Variants in CCSER2 observed in about 807,000 individuals in gnomAD.
CCSER2 encodes the protein coiled-coil serine rich protein 2.
A neutral mutation model predicts 92.3 loss-of-function variants in CCSER2; 46 were observed. The ratio of observed to expected loss-of-function variants is 0.50; its 90% confidence interval spans 0.39 to 0.64. The LOEUF (loss-of-function observed/expected upper bound fraction) is 0.64. CCSER2 is among the 30% of genes least tolerant of loss of function. The pLI, the probability that CCSER2 is intolerant of heterozygous loss-of-function variation, is 0.00. For missense variants in CCSER2, 1,244 were observed against 1,238.9 expected, an observed-to-expected ratio of 1.00 and a Z score of -0.06; for synonymous variants, 433 against 431.4, an observed-to-expected ratio of 1.00 and a Z score of -0.04.
chr10:84,348,716 T>C (rs1844690748), intron 1 of CCSER2, among the ~76,000 whole-genome samples: 1 of 150,450 alleles, frequency 6.6e-6, no homozygotes, highest in African/African-American at 2.4e-5. Context: ...AAGAGAAATC[T>C]GGGACTGTCT....
intron 3 of CCSER2, among the ~76,000 whole-genome samples, chr10:84,397,108 A>G (rs1180258634): frequency 6.6e-6 from 1 of 152,220 alleles, no homozygotes; most frequent in East Asian, 1.9e-4. Context: ...GTATTACTAT[A>G]TGAAAGTTGC....
At chr10:84,508,736 G>A (rs1399407075) in intron 9 of CCSER2, among the ~76,000 whole-genome samples, 1 of 152,128 alleles carries the variant, frequency 6.6e-6, no homozygotes, top group Non-Finnish European at 1.5e-5. Context: ...CTATGTATTT[G>A]AAGCCTAGCA....
intron 6 of CCSER2, among the ~76,000 whole-genome samples, chr10:84,443,307 AAAC>A (rs1844691878): frequency 6.6e-6 from 1 of 152,190 alleles, no homozygotes; most frequent in Non-Finnish European, 1.5e-5. Context: ...ACAAGAAAAA[AAAC>A]AACCCCATCA....
chr10:84,349,536 G>A (rs1285147333), intron 1 of CCSER2, among the ~76,000 whole-genome samples: 2 of 151,920 alleles, frequency 1.3e-5, no homozygotes, highest in Admixed American at 6.6e-5. Context: ...TAAAAAGTTA[G>A]CTGGGTGTGG....
chr10:84,431,267 C>T (rs985240092), intron 5 of CCSER2, among the ~76,000 whole-genome samples: 2 of 152,088 alleles, frequency 1.3e-5, no homozygotes, highest in Non-Finnish European at 2.9e-5. Context: ...CTTATTCATC[C>T]CTCCCTTCTT....
chr10:84,471,206 C>T (rs759415535), intron 8 of CCSER2, among the ~76,000 whole-genome samples: 1 of 151,714 alleles, frequency 6.6e-6, no homozygotes, highest in African/African-American at 2.4e-5. Context: ...GGTCAGCTCA[C>T]GGAGATCCAT....
In CCSER2 at chr10:84,515,700, A is replaced by G. The variant is rs1589856528; in HGVS notation, c.*1433A>G. 1 of 152,122 alleles carries G rather than the reference A, an allele frequency of 6.6e-6. No homozygotes were observed. Among genetic ancestry groups the G allele is most frequent in the East Asian group, 1.9e-4 (1 of 5,192 alleles). 9.4% of individuals were successfully genotyped at this position (152,122 alleles called of 1,614,324 possible). On this transcript the variant is annotated 3_prime_UTR_variant, in exon 10 of 10. Transcript: ENST00000372088. The stretch of plus-strand genomic sequence containing the variant: ...CTCAAGTGATCCACCCACCTCGTCT[A>G]TGGTGTATTTTTGAAAGACAATTTT...
intron 4 of CCSER2, among the ~76,000 whole-genome samples, chr10:84,421,794 T>C (rs1381898191): frequency 1.3e-5 from 2 of 152,184 alleles, no homozygotes; most frequent in African/African-American, 4.8e-5. Flanking sequence ...ACGGGATTCT[T>C]CAGAAATGAA....
intron 9 of CCSER2, chr10:84,499,861 C>T (rs1164355541): frequency 1.2e-6 from 2 of 1,612,916 alleles, no homozygotes; most frequent in Non-Finnish European, 8.5e-7. Flanking sequence ...CCTACCCCAT[C>T]TCTCTCTGCA....
At chr10:84,473,137 A>G (rs1407718016) in intron 8 of CCSER2, 1 of 152,198 alleles carries the variant, frequency 6.6e-6, no homozygotes, top group Non-Finnish European at 1.5e-5. Context: ...GAAAGCATTA[A>G]TCTTTATCAG....
intron 1 of CCSER2, among the ~76,000 whole-genome samples, chr10:84,364,391 CACTG>C (rs1284807965): frequency 1.3e-5 from 2 of 152,322 alleles, no homozygotes; most frequent in East Asian, 3.9e-4. Flanking sequence ...TTGCTTGGCT[CACTG>C]ACTGTATTTC....
In CCSER2 at chr10:84,370,955, A is replaced by G. The variant is rs1564605686; in HGVS notation, c.-39-59A>G. ...AAGTGTAAGTATCATATTATGTAAT[A>G]ATTCATGTAATTATCCTTATTTAGG... On this transcript the variant is annotated intron_variant, in intron 1 of 9. Transcript: ENST00000372088. 1.1e-5 allele frequency: 8 copies of G among 751,034 alleles called. No homozygotes were observed. The East Asian group carries it at 2.3e-4, about 21-fold the overall frequency. 46.5% of individuals were successfully genotyped at this position (751,034 alleles called of 1,614,324 possible). A position where few individuals can be genotyped will look rare whatever the true frequency, so the allele number is the denominator to read the frequency against.
chr10:84,384,209 C>G, intron 3 of CCSER2, among the ~76,000 whole-genome samples: 1 of 152,100 alleles, frequency 6.6e-6, no homozygotes, highest in East Asian at 1.9e-4. Flanking sequence ...AGAGAGCTGG[C>G]ATCAATCTTA....
chr10:84,360,721 T>G (rs1402782468), intron 1 of CCSER2, among the ~76,000 whole-genome samples: 1 of 152,166 alleles, frequency 6.6e-6, no homozygotes, highest in Non-Finnish European at 1.5e-5. Flanking sequence ...CCTGGAAACT[T>G]GTTAAAAATA....
chr10:84,346,676 A>G (rs1179950051), intron 1 of CCSER2, among the ~76,000 whole-genome samples: 1 of 151,846 alleles, frequency 6.6e-6, no homozygotes, highest in Non-Finnish European at 1.5e-5. Flanking sequence ...AGATCAGGAC[A>G]TAGTACATTT....
At chr10:84,440,803 G>T (rs1241366730) in intron 6 of CCSER2, among the ~76,000 whole-genome samples, 1 of 152,144 alleles carries the variant, frequency 6.6e-6, no homozygotes, top group Non-Finnish European at 1.5e-5. Context: ...AATAAGTTTG[G>T]TTGGTATGAA....
At chr10:84,458,607 G>T (rs889374015) in intron 6 of CCSER2, among the ~76,000 whole-genome samples, 4 of 152,154 alleles carry the variant, frequency 2.6e-5, no homozygotes, top group Non-Finnish European at 5.9e-5. Context: ...TGAATCTCCA[G>T]TTGAGTTTGG....
intron 9 of CCSER2, chr10:84,507,323 G>C (rs1212767599): frequency 1.0e-6 from 1 of 985,092 alleles, no homozygotes; most frequent in African/African-American, 1.7e-5. Flanking sequence ...TTACTTCTCT[G>C]ACAAAGCGTG....
At chr10:84,495,452 T>G (rs1054211571) in intron 9 of CCSER2, among the ~76,000 whole-genome samples, 1 of 152,226 alleles carries the variant, frequency 6.6e-6, no homozygotes, top group Non-Finnish European at 1.5e-5. Flanking sequence ...TAGAATATTC[T>G]GTAAGCATTG....
Sources: gnomAD v4.1 joint callset for allele counts (sites outside exome capture counted in the v4.1 genomes callset) on GRCh38, gnomAD v4.1.1 for gene constraint, MANE v1.5 for transcripts, NCBI Gene and HGNC (gene_info 2026-07-23, HGNC 2026-07-21) for gene names.